Variants in CCDC30 observed in about 807,000 individuals in gnomAD.
CCDC30 encodes the protein coiled-coil domain-containing protein 30.
A neutral mutation model predicts 100.2 loss-of-function variants in CCDC30; 70 were observed. That is an observed-to-expected ratio of 0.70 (90% CI 0.58 to 0.85). The LOEUF (loss-of-function observed/expected upper bound fraction) is 0.85. Ranked by LOEUF, CCDC30 falls within the 40% of genes least tolerant of loss-of-function variation. The pLI is 0.00. For synonymous variants in CCDC30, 233 were observed against 269.5 expected (o/e 0.86, Z 1.33); for missense variants, 652 against 771.2 (o/e 0.85, Z 1.83).
At chr1:42,657,161 A>G (rs973861493), downstream of CCDC30, among the ~76,000 whole-genome samples, 11 of 152,196 alleles carry the variant, frequency 7.2e-5, no homozygotes, top group African/African-American at 2.7e-4. Flanking sequence ...AATAATAACT[A>G]TTTTATTAAA....
At chr1:42,476,111 C>G (rs901648725) in intron 1 of CCDC30, among the ~76,000 whole-genome samples, 1 of 152,142 alleles carries the variant, frequency 6.6e-6, no homozygotes, top group Non-Finnish European at 1.5e-5. Context: ...TTAACAAGGT[C>G]TGTAAAGAAT....
intron 6 of CCDC30, among the ~76,000 whole-genome samples, chr1:42,544,008 A>C (rs1645070984): frequency 6.6e-6 from 1 of 152,182 alleles, no homozygotes; most frequent in Admixed American, 6.5e-5. Context: ...TTAGCACAAT[A>C]CTTTGATGGG....
chr1:42,625,267 C>T (rs555933830), intron 11 of CCDC30, among the ~76,000 whole-genome samples: 1 of 152,158 alleles, frequency 6.6e-6, no homozygotes, highest in African/African-American at 2.4e-5. Context: ...TTTGGATCTT[C>T]TCTTTTTCTT....
intron 12 of CCDC30, among the ~76,000 whole-genome samples, chr1:42,639,332 G>T (rs1557484356): frequency 6.6e-6 from 1 of 152,152 alleles, no homozygotes; most frequent in Non-Finnish European, 1.5e-5. Context: ...AGCAAGGGTT[G>T]CTGGCAACCA....
chr1:42,597,431 C>T (rs1251548832), intron 10 of CCDC30, among the ~76,000 whole-genome samples: 1 of 152,040 alleles, frequency 6.6e-6, no homozygotes, highest in Non-Finnish European at 1.5e-5. Flanking sequence ...AATAAACAAC[C>T]TTACTCAGAG....
chr1:42,513,156 GA>G (rs920403928), intron 6 of CCDC30, among the ~76,000 whole-genome samples: 10 of 152,154 alleles, frequency 6.6e-5, no homozygotes, highest in African/African-American at 2.4e-4. Context: ...GAAGATTAAG[GA>G]CATGGACATA....
chr1:42,572,208 A>G (rs1185704442), intron 7 of CCDC30, among the ~76,000 whole-genome samples: 1 of 152,194 alleles, frequency 6.6e-6, no homozygotes, highest in East Asian at 1.9e-4. Flanking sequence ...TTGCAAACCT[A>G]GTATACGTGT....
chr1:42,481,661 G>T (rs181671813), intron 2 of CCDC30, among the ~76,000 whole-genome samples: 98 of 150,948 alleles, frequency 6.5e-4, no homozygotes, highest in African/African-American at 2.1e-3. Flanking sequence ...CTTTTAAGGA[G>T]TTCTTTAGAA....
At chr1:42,543,073 C>T (rs1645048500) in intron 6 of CCDC30, among the ~76,000 whole-genome samples, 1 of 152,000 alleles carries the variant, frequency 6.6e-6, no homozygotes, top group Non-Finnish European at 1.5e-5. Flanking sequence ...TCTGACCTCT[C>T]CCTTCAATCT....
chr1:42,533,468 G>T (rs1449179305), intron 6 of CCDC30, among the ~76,000 whole-genome samples: 1 of 152,194 alleles, frequency 6.6e-6, no homozygotes, highest in African/African-American at 2.4e-5. Context: ...ACATATTTGT[G>T]AGAACTTAAG....
chr1:42,486,389 A>G (rs1191262805), intron 3 of CCDC30, among the ~76,000 whole-genome samples: 3 of 152,220 alleles, frequency 2.0e-5, no homozygotes. Context: ...GGTTTCCACC[A>G]TTCCTTAACC....
At chr1:42,551,898 G>T (rs1344622892) in intron 6 of CCDC30, among the ~76,000 whole-genome samples, 3 of 151,950 alleles carry the variant, frequency 2.0e-5, no homozygotes, top group African/African-American at 4.8e-5. Flanking sequence ...GGGACCACAG[G>T]CACATAGGTA....
chr1:42,586,817 A>G (rs1461566522), intron 9 of CCDC30, among the ~76,000 whole-genome samples: 3 of 152,196 alleles, frequency 2.0e-5, no homozygotes, highest in Admixed American at 2.0e-4. Flanking sequence ...TTTAGAAAGA[A>G]CACTCTGACT....
intron 7 of CCDC30, among the ~76,000 whole-genome samples, chr1:42,575,359 CAT>C (rs1397247946): frequency 6.6e-6 from 1 of 151,952 alleles, no homozygotes; most frequent in Non-Finnish European, 1.5e-5. Context: ...GAATTAAAAA[CAT>C]AGTCTTGGCT....
chr1:42,636,724 T>C (rs111690698), intron 11 of CCDC30, among the ~76,000 whole-genome samples: 3,654 of 152,004 alleles, frequency 0.024, 122 homozygotes, highest in African/African-American at 0.079. Flanking sequence ...TCCCAGCATC[T>C]TGGGAGGCTG....
intron 1 of CCDC30, among the ~76,000 whole-genome samples, chr1:42,471,819 T>A (rs530263954): frequency 6.6e-6 from 1 of 152,254 alleles, no homozygotes; most frequent in Non-Finnish European, 1.5e-5. Flanking sequence ...ATAAATACTG[T>A]TGATGTGGAA....
chr1:42,516,571 C>CAAAAA (rs61638436), intron 6 of CCDC30, among the ~76,000 whole-genome samples: 2 of 102,146 alleles, frequency 2.0e-5, no homozygotes. Flanking sequence ...GACTCCATCT[C>CAAAAA]AAAAAAAAAA....
intron 6 of CCDC30, chr1:42,539,272 G>C (rs775322328): frequency 5.0e-5 from 80 of 1,607,018 alleles, no homozygotes; most frequent in Non-Finnish European, 6.4e-5. Flanking sequence ...AATAGCATGT[G>C]ACCTGTTACA....
At chr1:42,641,339 G>T (rs1353845323) in intron 12 of CCDC30, among the ~76,000 whole-genome samples, 1 of 151,692 alleles carries the variant, frequency 6.6e-6, no homozygotes, top group East Asian at 1.9e-4. Flanking sequence ...TGGCCTCCCA[G>T]AGTGCTGAGA....
Sources: allele counts gnomAD v4.1 joint callset (sites outside exome capture counted in the v4.1 genomes callset), GRCh38; gene constraint gnomAD v4.1.1; transcripts MANE v1.5; gene names NCBI Gene and HGNC (gene_info 2026-07-23, HGNC 2026-07-21).